The following NAV2 variants were observed in gnomAD, a reference collection of about 807,000 sequenced individuals.
NAV2 encodes neuron navigator 2, also known as helicase, APC down-regulated 1.
A neutral mutation model predicts 223.2 loss-of-function variants in NAV2; 54 were observed. The ratio of observed to expected loss-of-function variants is 0.24; its 90% CI spans 0.19 to 0.30. The LOEUF (loss-of-function observed/expected upper bound fraction) is 0.30. NAV2 is among the 10% of genes least tolerant of loss of function. The pLI, the probability that NAV2 is intolerant of heterozygous loss-of-function variation, is 1.00. For synonymous variants in NAV2, 1,279 were observed against 1,239.3 expected, an observed-to-expected ratio of 1.03 and a Z score of -0.67; for missense variants, 2,806 against 3,147.5, an observed-to-expected ratio of 0.89 and a Z score of 2.60.
chr11:19,648,518 G>A (rs773236139), intron 1 of NAV2, among the ~76,000 whole-genome samples: 6 of 152,202 alleles, frequency 3.9e-5, no homozygotes, highest in African/African-American at 4.8e-5. Flanking sequence ...CAGTAGCTAA[G>A]AGGAAGTGCC....
At chr11:20,040,154 C>T (rs1018056925) in intron 12 of NAV2, among the ~76,000 whole-genome samples, 4 of 152,166 alleles carry the variant, frequency 2.6e-5, no homozygotes, top group African/African-American at 9.7e-5. Flanking sequence ...GTCACTGGGG[C>T]TTAAACTTGA....
At chr11:19,345,325 A>G in the NAV2 span, among the ~76,000 whole-genome samples, 4 of 152,186 alleles carry the variant, frequency 2.6e-5, no homozygotes, top group Non-Finnish European at 4.4e-5. The surrounding 1 kb of genome is among the most constrained non-coding windows in gnomAD (Gnocchi z 5.2). Context: ...GGAACCCCCT[A>G]TGCTGCCTCC....
At chr11:19,577,353 T>C (rs919156336) in intron 1 of NAV2, among the ~76,000 whole-genome samples, 1 of 152,242 alleles carries the variant, frequency 6.6e-6, no homozygotes, top group African/African-American at 2.4e-5. Context: ...AAGGAACCTG[T>C]TGGCTCGTGC....
intron 3 of NAV2, among the ~76,000 whole-genome samples, chr11:19,868,543 C>T (rs946603329): frequency 6.6e-6 from 1 of 152,182 alleles, no homozygotes; most frequent in African/African-American, 2.4e-5. Flanking sequence ...TGACTGCCTG[C>T]CTCTTTGGTG....
chr11:19,905,094 G>A (rs2042761412), intron 6 of NAV2, among the ~76,000 whole-genome samples: 1 of 152,168 alleles, frequency 6.6e-6, no homozygotes, highest in East Asian at 1.9e-4. Flanking sequence ...ATTTTTGAGG[G>A]TGCTACTTGT....
intron 6 of NAV2, among the ~76,000 whole-genome samples, chr11:19,907,632 G>A (rs191878412): frequency 1.4e-3 from 216 of 152,202 alleles, no homozygotes; most frequent in Non-Finnish European, 2.0e-3. Context: ...TAAAGTAGAC[G>A]AAAGAAGATA....
At chr11:19,773,129 C>T (rs1467479976) in intron 1 of NAV2, among the ~76,000 whole-genome samples, 2 of 152,178 alleles carry the variant, frequency 1.3e-5, no homozygotes, top group Non-Finnish European at 2.9e-5. Flanking sequence ...CCTTGATGAG[C>T]AAGATGGACA....
chr11:19,409,655 G>C (rs559247749), intron 1 of NAV2, among the ~76,000 whole-genome samples: 11 of 152,152 alleles, frequency 7.2e-5, no homozygotes, highest in Non-Finnish European at 1.3e-4. Context: ...CAGAGCTCCC[G>C]TGATGCTGCA....
intron 1 of NAV2, among the ~76,000 whole-genome samples, chr11:19,393,676 C>A (rs1262470407): frequency 6.6e-6 from 1 of 152,126 alleles, no homozygotes; most frequent in South Asian, 2.1e-4. Context: ...ATGAAAAGTA[C>A]CTTTTGTAGA....
chr11:19,397,913 C>A (rs999894671), intron 1 of NAV2, among the ~76,000 whole-genome samples: 1 of 152,092 alleles, frequency 6.6e-6, no homozygotes, highest in African/African-American at 2.4e-5. Context: ...GGAGAAAGGG[C>A]AGCAGCAGTG....
At chr11:20,048,615 T>G (rs1401535331) in intron 14 of NAV2, 113 bp from the exon 15 acceptor site, 1 of 874,664 alleles carries the variant, frequency 1.1e-6, no homozygotes, top group East Asian at 2.5e-5. Context: ...TAGGAATGGC[T>G]GTGCTTCCTT....
At chr11:19,354,559 C>A (rs554656401) in intron 1 of NAV2, among the ~76,000 whole-genome samples, 1 of 152,338 alleles carries the variant, frequency 6.6e-6, no homozygotes, top group Non-Finnish European at 1.5e-5. Context: ...GAGAGGTATA[C>A]ATTTCATATT....
At position 19,731,023 on chromosome 11, in the gene NAV2, T is replaced by A. The variant is rs182295890; in HGVS notation, c.267+17061T>A. 2.0e-3 allele frequency among the ~76,000 whole-genome samples: 302 copies of A among 152,362 alleles called. 1 individual carries two copies. The highest frequency in any genetic ancestry group is 6.6e-3 in the African/African-American group (276 of 41,584). On this transcript the variant is annotated intron_variant, in intron 1 of 37. Coordinates refer to ENST00000349880, the MANE Select transcript of NAV2 (RefSeq NM_145117.5). ...GGACACACTTAAACCAAAAAATTAT[T>A]TGCTGTTTATCTGAAATTCAGATTT... is the stretch of plus-strand genomic sequence containing the variant.
chr11:19,568,344 G>A (rs1277256267), intron 1 of NAV2, among the ~76,000 whole-genome samples: 1 of 152,206 alleles, frequency 6.6e-6, no homozygotes, highest in Non-Finnish European at 1.5e-5. Context: ...CCCTGAGAGA[G>A]GCTCTAGACG....
intron 11 of NAV2, among the ~76,000 whole-genome samples, chr11:20,002,832 G>A (rs1432910520): frequency 1.1e-4 from 16 of 152,148 alleles, no homozygotes; most frequent in Non-Finnish European, 2.2e-4. Flanking sequence ...TCAGCCTTGT[G>A]TTCTTGGAGA....
intron 6 of NAV2, among the ~76,000 whole-genome samples, chr11:19,896,621 C>T (rs1330003172): frequency 6.6e-6 from 1 of 152,186 alleles, no homozygotes; most frequent in Non-Finnish European, 1.5e-5. Context: ...ATGTCATAGC[C>T]TGCAATTCAT....
At chr11:19,477,041 G>A (rs1024773888) in intron 1 of NAV2, among the ~76,000 whole-genome samples, 11 of 152,172 alleles carry the variant, frequency 7.2e-5, no homozygotes, top group African/African-American at 2.4e-4. Context: ...GCATTCCCAA[G>A]GGGTCCTTTG....
In NAV2 at chr11:19,449,643, G is replaced by A. The variant is rs1229935101; in HGVS notation, c.75+98616G>A. Among the ~76,000 whole-genome samples, 14 of 151,002 alleles carry A rather than the reference G, an allele frequency of 9.3e-5. No homozygotes were observed. The East Asian group carries it at 2.2e-3, about 23-fold the overall frequency. On this transcript the variant is annotated intron_variant, in intron 1 of 37. Coordinates refer to the NAV2 transcript ENST00000360655. ...TGTGGGGGTGGGGGGGTAGGGGCAC[G>A]GGGTGGGGTGCTTTTGTGACTTCCT...
At chr11:19,807,242 T>C (rs1260363626) in intron 1 of NAV2, among the ~76,000 whole-genome samples, 1 of 152,186 alleles carries the variant, frequency 6.6e-6, no homozygotes, top group East Asian at 1.9e-4. Flanking sequence ...GAATATCCCT[T>C]CCACAATACA....
Sources: allele counts gnomAD v4.1 joint callset (sites outside exome capture counted in the v4.1 genomes callset), GRCh38; gene constraint gnomAD v4.1.1; non-coding constraint Gnocchi (gnomAD v3.1); transcripts MANE v1.5; gene names NCBI Gene and HGNC (gene_info 2026-07-23, HGNC 2026-07-21).